CTNND2: variants seen among roughly 807,000 people sequenced by gnomAD.
CTNND2 encodes the protein catenin delta-2.
CTNND2 carries 22 observed loss-of-function variants against 144.4 expected under a neutral mutation model. The ratio of observed to expected loss-of-function variants is 0.15; its 90% CI spans 0.11 to 0.22. The LOEUF (loss-of-function observed/expected upper bound fraction) is 0.22. CTNND2 is among the 10% of genes least tolerant of loss of function. The pLI, the probability that CTNND2 is intolerant of heterozygous loss-of-function variation, is 1.00. For synonymous variants in CTNND2, 751 were observed against 695.6 expected (o/e 1.08, Z -1.25); for missense variants, 1,353 against 1,618.8 (o/e 0.84, Z 2.82).
At chr5:11,368,522 A>G (rs1395273374) in intron 7 of CTNND2, among the ~76,000 whole-genome samples, 3 of 152,186 alleles carry the variant, frequency 2.0e-5, no homozygotes, top group Non-Finnish European at 4.4e-5. Flanking sequence ...GACCTCAGAC[A>G]TCCCCTGCTT....
chr5:11,217,348 T>C (rs926765670), intron 10 of CTNND2, among the ~76,000 whole-genome samples: 4 of 152,202 alleles, frequency 2.6e-5, no homozygotes, highest in African/African-American at 9.6e-5. Flanking sequence ...TAACATTAAC[T>C]TTCCCACAAA....
chr5:11,108,702 AGTTTTT>A (rs936032742), intron 14 of CTNND2, among the ~76,000 whole-genome samples: 1 of 152,112 alleles, frequency 6.6e-6, no homozygotes, highest in Admixed American at 6.5e-5. Context: ...CTGCTTATTT[AGTTTTT>A]GTTTTTCTCA....
chr5:11,832,576 G>A (rs1288193666), intron 1 of CTNND2, among the ~76,000 whole-genome samples: 1 of 152,172 alleles, frequency 6.6e-6, no homozygotes, highest in Non-Finnish European at 1.5e-5. Context: ...ATCAATGGCT[G>A]TTTGGGATTC....
chr5:11,799,314 T>C (rs1260817900), intron 1 of CTNND2, among the ~76,000 whole-genome samples: 3 of 152,176 alleles, frequency 2.0e-5, no homozygotes, highest in Non-Finnish European at 2.9e-5. Flanking sequence ...ATGTTTTTAA[T>C]CCTGTATTGT....
At chr5:11,155,983 A>C (rs1203616901) in intron 12 of CTNND2, among the ~76,000 whole-genome samples, 2 of 152,146 alleles carry the variant, frequency 1.3e-5, no homozygotes, top group African/African-American at 2.4e-5. Flanking sequence ...TGCTCCCTGT[A>C]AATGTGCCTC....
chr5:11,406,123 G>GT (rs1761087033), intron 5 of CTNND2, among the ~76,000 whole-genome samples: 1 of 152,094 alleles, frequency 6.6e-6, no homozygotes, highest in African/African-American at 2.4e-5. Flanking sequence ...CACCAGCCTG[G>GT]GCAACAAAAG....
At chr5:11,460,860 A>C (rs1766147175) in intron 3 of CTNND2, among the ~76,000 whole-genome samples, 1 of 151,934 alleles carries the variant, frequency 6.6e-6, no homozygotes, top group Non-Finnish European at 1.5e-5. Flanking sequence ...GACCATACTG[A>C]CCAACATGGC....
intron 1 of CTNND2, among the ~76,000 whole-genome samples, chr5:11,858,883 C>T (rs1015153955): frequency 3.3e-5 from 5 of 152,156 alleles, no homozygotes; most frequent in African/African-American, 9.7e-5. Flanking sequence ...GAGCTGAGAT[C>T]CCACCACTGC....
chr5:11,117,602 G>A (rs369089757), intron 12 of CTNND2, 35 bp from the exon 13 acceptor site: 46 of 1,529,552 alleles, frequency 3.0e-5, no homozygotes, highest in African/African-American at 4.1e-5. Flanking sequence ...CGATCTTCAC[G>A]GTTGTCACCA....
chr5:11,229,645 CGT>C (rs34293828), intron 10 of CTNND2, among the ~76,000 whole-genome samples: 13,643 of 142,952 alleles, frequency 0.095, 674 homozygotes, highest in South Asian at 0.12. Context: ...AGCCATATTG[CGT>C]GTGTGTGTGT....
At chr5:11,382,386 G>T (rs915545345) in intron 7 of CTNND2, among the ~76,000 whole-genome samples, 1 of 152,160 alleles carries the variant, frequency 6.6e-6, no homozygotes, top group African/African-American at 2.4e-5. Context: ...ATCACTTGAG[G>T]TCAGGAGGTT....
At chr5:11,865,448 G>A (rs55887409) in intron 1 of CTNND2, among the ~76,000 whole-genome samples, 34,951 of 151,968 alleles carry the variant, frequency 0.23, 4,338 homozygotes, top group Non-Finnish European at 0.28. Context: ...AAGAGAAAAA[G>A]GAATTACTAA....
intron 3 of CTNND2, among the ~76,000 whole-genome samples, chr5:11,556,910 A>G (rs1213317861): frequency 6.6e-6 from 1 of 152,180 alleles, no homozygotes; most frequent in East Asian, 1.9e-4. Context: ...GTGGGGTTAA[A>G]GATGATTGCT....
chr5:11,490,665 A>G (rs1213589765), intron 3 of CTNND2, among the ~76,000 whole-genome samples: 1 of 152,168 alleles, frequency 6.6e-6, no homozygotes, highest in Non-Finnish European at 1.5e-5. Flanking sequence ...CTATGTTTTA[A>G]TTTTGGTTTT....
At chr5:11,681,081 T>C (rs1269262275) in intron 2 of CTNND2, among the ~76,000 whole-genome samples, 1 of 152,094 alleles carries the variant, frequency 6.6e-6, no homozygotes, top group Admixed American at 6.6e-5. Context: ...AAGGACAGAA[T>C]GAGATGCGAA....
At chr5:11,131,228 T>C (rs1227735598) in intron 12 of CTNND2, among the ~76,000 whole-genome samples, 1 of 152,170 alleles carries the variant, frequency 6.6e-6, no homozygotes, top group East Asian at 1.9e-4. Context: ...TAGGAAACAT[T>C]GCAGAAGAGA....
At chr5:11,826,542 A>C (rs576132052) in intron 1 of CTNND2, among the ~76,000 whole-genome samples, 1 of 152,180 alleles carries the variant, frequency 6.6e-6, no homozygotes, top group South Asian at 2.1e-4. Context: ...AATATCACCA[A>C]ATAAAAGGCT....
intron 11 of CTNND2, among the ~76,000 whole-genome samples, chr5:11,196,163 T>C (rs959502687): frequency 6.6e-6 from 1 of 152,260 alleles, no homozygotes; most frequent in African/African-American, 2.4e-5. Flanking sequence ...ATTTCTTTCT[T>C]ATTTATAATT....
intron 1 of CTNND2, among the ~76,000 whole-genome samples, chr5:11,889,801 A>C (rs1736825552): frequency 6.6e-6 from 1 of 152,220 alleles, no homozygotes; most frequent in Non-Finnish European, 1.5e-5. Context: ...TGCAACTTTT[A>C]AAACTCCATA....
Sources: allele counts gnomAD v4.1 joint callset (sites outside exome capture counted in the v4.1 genomes callset), GRCh38; gene constraint gnomAD v4.1.1; transcripts MANE v1.5; gene names NCBI Gene and HGNC (gene_info 2026-07-23, HGNC 2026-07-21).